Variants in HROB observed in about 807,000 individuals in gnomAD.
HROB encodes the protein homologous recombination OB-fold protein.
HROB carries 44 observed loss-of-function variants against 61.0 expected under a neutral mutation model. That is an observed-to-expected ratio of 0.72 (90% CI 0.57 to 0.93). The LOEUF (loss-of-function observed/expected upper bound fraction) is 0.93. Among genes scored for constraint, HROB ranks in the 40% least tolerant of loss-of-function variants. The pLI, the probability that HROB is intolerant of heterozygous loss-of-function variation, is 0.00. For synonymous variants in HROB, 301 were observed against 310.4 expected, an observed-to-expected ratio of 0.97 and a Z score of 0.32; for missense variants, 716 against 796.2, an observed-to-expected ratio of 0.90 and a Z score of 1.21.
At chr17:44,146,163 C>T (rs1301722344) in intron 2 of HROB, among the ~76,000 whole-genome samples, 1 of 152,308 alleles carries the variant, frequency 6.6e-6, no homozygotes, top group South Asian at 2.1e-4. Context: ...GATCCTCCCA[C>T]CTCAGCCTCC....
At position 44,141,938 on chromosome 17, in the gene HROB, C is replaced by A; in HGVS notation, c.-205C>A. 1.7e-6 allele frequency: 1 copy of A among 597,068 alleles called. No homozygotes were observed. The highest frequency in any genetic ancestry group is 2.2e-5 in the South Asian group (1 of 44,770). The allele number at this position is 597,068 out of a possible 1,614,324, so 37.0% of individuals were successfully genotyped here. A position where few individuals can be genotyped will look rare whatever the true frequency, so the allele number is the denominator to read the frequency against. ...GAAGGCGGAGACGCCCCAGTGGCGGCGTCTTCGAATGCGGCCTAAGGCGCC... is the reference window on the plus strand; with the variant it reads ...GAAGGCGGAGACGCCCCAGTGGCGGAGTCTTCGAATGCGGCCTAAGGCGCC... On this transcript the variant is annotated 5_prime_UTR_variant, in exon 1 of 10. Transcript: ENST00000585683.
chr17:44,156,430 G>T (rs2053971002), intron 8 of HROB, among the ~76,000 whole-genome samples: 1 of 152,056 alleles, frequency 6.6e-6, no homozygotes, highest in African/African-American at 2.4e-5. Flanking sequence ...TGCCATATTG[G>T]CCAGGCTGGT....
chr17:44,141,989 C>A lies in HROB; in HGVS notation c.-154C>A. ...TGCCGCCAGTCTCCTGGCGACTTTC[C>A]CTATATCGCAGAGACTCATCCCTCT... On this transcript the variant is annotated 5_prime_UTR_variant, in exon 1 of 10. Coordinates refer to ENST00000585683, the MANE Select transcript of HROB (RefSeq NM_001171251.3). 1 of 1,092,154 alleles carries A rather than the reference C, an allele frequency of 9.2e-7. No homozygotes were observed. Among genetic ancestry groups the A allele is most frequent in the Non-Finnish European group, 1.3e-6 (1 of 791,020 alleles). 67.7% of individuals were successfully genotyped at this position (1,092,154 alleles called of 1,614,324 possible).
chr17:44,162,263 A>C lies in HROB; in HGVS notation c.*331A>C. Reference sequence around the variant, plus strand: ...TTGGGCCTGGTTTTCTTGTCCCTTCATACCCTAGTCCCTGGACAGCTGAGG... The same window carrying C: ...TTGGGCCTGGTTTTCTTGTCCCTTCCTACCCTAGTCCCTGGACAGCTGAGG... On this transcript the variant is annotated 3_prime_UTR_variant, in exon 10 of 10. Coordinates refer to ENST00000585683, the MANE Select transcript of HROB (RefSeq NM_001171251.3). The C allele has an allele frequency of 3.4e-6, 1 of 290,988 alleles. No individual in the cohort carries two copies. The highest frequency in any genetic ancestry group is 4.0e-5 in the South Asian group (1 of 25,300). 18.0% of individuals were successfully genotyped at this position (290,988 alleles called of 1,614,324 possible).
chr17:44,152,100 C>T (rs1168220180), intron 4 of HROB, among the ~76,000 whole-genome samples: 1 of 152,052 alleles, frequency 6.6e-6, no homozygotes, highest in African/African-American at 2.4e-5. Flanking sequence ...CCGCCTTGGC[C>T]TCCCAAAGTG....
chr17:44,155,971 A>G (rs1222605687), intron 8 of HROB, among the ~76,000 whole-genome samples: 3 of 152,276 alleles, frequency 2.0e-5, no homozygotes, highest in South Asian at 2.1e-4. Context: ...TTGAGAGTGT[A>G]GAGCCTGGGC....
At chr17:44,150,489 A>G (rs575820412) in intron 3 of HROB, among the ~76,000 whole-genome samples, 389 of 151,648 alleles carry the variant, frequency 2.6e-3, no homozygotes, top group African/African-American at 7.7e-3. Context: ...TCCCAGCTTC[A>G]AGTGATTCTC....
intron 1 of HROB, among the ~76,000 whole-genome samples, chr17:44,143,637 C>T (rs953224699): frequency 9.9e-5 from 15 of 151,578 alleles, no homozygotes; most frequent in Admixed American, 5.3e-4. Flanking sequence ...GAGCAAGACT[C>T]CGTCTCAGGA....
rs1420003398 is a variant in HROB, at chr17:44,155,387, C to T, written c.1746C>T (p.Leu582=). The T allele has an allele frequency of 1.2e-6, 2 of 1,614,020 alleles. No homozygotes were observed. Among genetic ancestry groups the T allele is most frequent in the Non-Finnish European group, 1.7e-6 (2 of 1,180,032 alleles). Residue 582 remains leucine, a synonymous_variant, in exon 8 of 10, where the codon CTC becomes CTT. Coordinates refer to ENST00000585683, the MANE Select transcript of HROB (RefSeq NM_001171251.3). ...CGGATTCTGGGGATGGGAGCTTCCTCAAGCCATCTCAGCCCTTCCCCAAGG... is the reference window on the plus strand; with the variant it reads ...CGGATTCTGGGGATGGGAGCTTCCTTAAGCCATCTCAGCCCTTCCCCAAGG... ...YSPDSGDGSF[L]KPSQPFPKDS... is the part of the protein sequence containing the mutation.
chr17:44,148,128 A>G lies in HROB; in HGVS notation c.325A>G (p.Ser109Gly), dbSNP rs778773847. Reference sequence around the variant, plus strand: ...CCTAAGGCCTGTCTCTACTTCCAGCAGCTGGATTGGCAATCAGAGAAGAGT... The same window carrying G: ...CCTAAGGCCTGTCTCTACTTCCAGCGGCTGGATTGGCAATCAGAGAAGAGT... Reference protein sequence around the residue: ...APLRPVSTSSSWIGNQRRVTV... With the variant: ...APLRPVSTSSGWIGNQRRVTV... The change falls in exon 3 of 10, where the codon AGC becomes GGC. Residue 109 changes from serine (S) to glycine (G), a missense_variant. Coordinates refer to ENST00000585683, the MANE Select transcript of HROB (RefSeq NM_001171251.3). 1 of 1,614,076 alleles carries G rather than the reference A, an allele frequency of 6.2e-7. No individual in the cohort carries two copies. Among genetic ancestry groups the G allele is most frequent in the African/African-American group, 1.3e-5 (1 of 74,936 alleles).
chr17:44,143,919 C>T (rs1365207757), intron 1 of HROB, among the ~76,000 whole-genome samples: 1 of 152,082 alleles, frequency 6.6e-6, no homozygotes, highest in Non-Finnish European at 1.5e-5. Flanking sequence ...TTCTTCCCTT[C>T]CAGGATTAGT....
intron 5 of HROB, 148 bp downstream of exon 5, chr17:44,152,925 C>A: frequency 2.0e-6 from 2 of 1,003,416 alleles, no homozygotes; most frequent in Non-Finnish European, 2.9e-6. Context: ...TTGTATCTTC[C>A]ACTTACCTAC....
At chr17:44,160,775 A>G (rs1429540578) in intron 9 of HROB, among the ~76,000 whole-genome samples, 1 of 152,202 alleles carries the variant, frequency 6.6e-6, no homozygotes, top group African/African-American at 2.4e-5. Flanking sequence ...AAAGGCCATT[A>G]TATCTTGTGA....
In HROB at chr17:44,161,864, T is replaced by G. The variant is rs757971235; in HGVS notation, c.1880-7T>G. 6.2e-7 allele frequency: 1 copy of G among 1,613,730 alleles called. No homozygotes were observed. The highest frequency in any genetic ancestry group is 1.1e-5 in the South Asian group (1 of 91,078). ...ACTAAGGCTACCCATCATTCCCCTC[T>G]CTGTAGATGACCTGGATGGACTCCT... On this transcript the variant is annotated splice_polypyrimidine_tract_variant and splice_region_variant and intron_variant, in intron 9 of 9. Transcript: ENST00000585683.
intron 2 of HROB, among the ~76,000 whole-genome samples, chr17:44,147,028 AGT>A (rs143062329): frequency 8.3e-4 from 123 of 148,066 alleles, no homozygotes; most frequent in South Asian, 6.9e-3. Flanking sequence ...ATCTCTGTGT[AGT>A]GTGTGTGTGT....
chr17:44,160,516 C>T (rs2631295), intron 9 of HROB, among the ~76,000 whole-genome samples: 58,905 of 152,004 alleles, frequency 0.39, 13,035 homozygotes, highest in East Asian at 0.71. Flanking sequence ...TCCAGTGAGC[C>T]GAGATCGTGC....
At chr17:44,157,405 CTT>C (rs71160088) in intron 8 of HROB, among the ~76,000 whole-genome samples, 4 of 81,468 alleles carry the variant, frequency 4.9e-5, no homozygotes, top group Non-Finnish European at 6.9e-5. Flanking sequence ...CATCATGTTT[CTT>C]TTTTTTTTTT....
Position 44,154,983 on chromosome 17 carries a change from C to T in HROB, c.1644+45C>T, listed in dbSNP as rs539146497. On this transcript the variant is annotated intron_variant, in intron 7 of 9. Transcript: ENST00000585683. ...ACACCACTGCCCCCCGGATAGAGCC[C>T]TCAGTGTCTGTCTCCTTACCTGTTT... The T allele has an allele frequency of 2.5e-6, 4 of 1,586,252 alleles. No individual in the cohort carries two copies. The African/African-American group carries it at 4.0e-5, about 16-fold the overall frequency.
chr17:44,145,463 G>T (rs574394445), intron 2 of HROB, among the ~76,000 whole-genome samples: 4 of 152,272 alleles, frequency 2.6e-5, no homozygotes, highest in African/African-American at 7.2e-5. Flanking sequence ...TTGCCTAATT[G>T]TCATACCTTT....
Sources: allele counts gnomAD v4.1 joint callset (sites outside exome capture counted in the v4.1 genomes callset), GRCh38; gene constraint gnomAD v4.1.1; transcripts MANE v1.5; gene names NCBI Gene and HGNC (gene_info 2026-07-23, HGNC 2026-07-21).